The following MED13L variants were observed in gnomAD, a reference collection of about 807,000 sequenced individuals.
MED13L encodes the protein mediator complex subunit 13L.
In MED13L, 7 loss-of-function variants were observed where a neutral mutation model predicts 220.9. The ratio of observed to expected loss-of-function variants is 0.03; its 90% CI spans 0.02 to 0.06. The LOEUF (loss-of-function observed/expected upper bound fraction) is 0.06. Ranked by LOEUF, MED13L falls within the 10% of genes least tolerant of loss-of-function variation. The pLI is 1.00. For synonymous variants in MED13L, 1,011 were observed against 1,015.2 expected (o/e 1.00, Z 0.08); for missense variants, 1,965 against 2,760.5 (o/e 0.71, Z 6.46).
At chr12:115,972,267 C>G in intron 25 of MED13L, 31 bp from the exon 26 acceptor site, 1 of 1,608,802 alleles carries the variant, frequency 6.2e-7, no homozygotes, top group Non-Finnish European at 8.5e-7. Context: ...CATACACAGT[C>G]TTTAGAAATT....
At position 115,983,119 on chromosome 12, in the gene MED13L, C is replaced by T. The variant is rs779112405; in HGVS notation, c.4953G>A (p.Glu1651=). Residue 1651 remains glutamate, a splice_region_variant and synonymous_variant, in exon 21 of 31, where the codon GAG becomes GAA. Transcript: ENST00000281928. The part of the protein sequence containing the change: ...SSSQPSQDGQ[E]SVTERERIGI... ...ATCTCAATTAGTGAATAACATACCT[C>T]TCTTGTCCATCCTGTGAGGGCTGAG... is the stretch of plus-strand genomic sequence containing the variant. The T allele has an allele frequency of 3.2e-5, 51 of 1,613,918 alleles. No homozygotes were observed. The East Asian group carries it at 1.1e-3, about 36-fold the overall frequency.
At chr12:116,086,992 C>T (rs1039352834) in intron 4 of MED13L, among the ~76,000 whole-genome samples, 1 of 151,904 alleles carries the variant, frequency 6.6e-6, no homozygotes, top group African/African-American at 2.4e-5. Flanking sequence ...TCTTATATTG[C>T]CATTATGTAG....
chr12:116,088,246 G>A (rs1871884939), intron 4 of MED13L, among the ~76,000 whole-genome samples: 1 of 152,122 alleles, frequency 6.6e-6, no homozygotes, highest in Non-Finnish European at 1.5e-5. Flanking sequence ...GGTTCTTAGT[G>A]GCAAAGAACC....
intron 3 of MED13L, among the ~76,000 whole-genome samples, chr12:116,104,379 GA>G (rs1275618910): frequency 4.6e-5 from 7 of 152,008 alleles, no homozygotes; most frequent in Non-Finnish European, 8.8e-5. Context: ...TGAAAGATAG[GA>G]ATAGACAAAT....
chr12:116,232,990 G>A (rs1415690126), intron 2 of MED13L, among the ~76,000 whole-genome samples: 3 of 151,780 alleles, frequency 2.0e-5, no homozygotes, highest in African/African-American at 7.3e-5. Context: ...AGAAGGCTGA[G>A]GCAGGAGAAT....
intron 14 of MED13L, among the ~76,000 whole-genome samples, chr12:116,000,413 A>T (rs769811931): frequency 6.6e-6 from 1 of 152,190 alleles, no homozygotes; most frequent in African/African-American, 2.4e-5. Flanking sequence ...CTATCTCTGC[A>T]CTTCAGCGGG....
intron 16 of MED13L, among the ~76,000 whole-genome samples, chr12:115,996,245 C>G (rs1216742398): frequency 4.6e-5 from 7 of 152,078 alleles, no homozygotes; most frequent in Non-Finnish European, 7.4e-5. Flanking sequence ...CTCCTGCCAC[C>G]AAGCCCAGCT....
Position 116,162,342 on chromosome 12 carries a change from C to A in MED13L, c.311-50830G>T, listed in dbSNP as rs11067929. On this transcript the variant is annotated intron_variant, in intron 2 of 30. Coordinates refer to ENST00000281928, the MANE Select transcript of MED13L (RefSeq NM_015335.5). ...AGCTGTGATTCTATTAGAATGGAGG[C>A]TGCACCGATTCATGAATCGAGAATA... Among the ~76,000 whole-genome samples the A allele has an allele frequency of 6.0e-3, 908 of 152,254 alleles. 12 individuals carry two copies. Among genetic ancestry groups the A allele is most frequent in the African/African-American group, 0.021 (854 of 41,542 alleles).
At chr12:116,125,835 G>A (rs1875540196) in intron 2 of MED13L, among the ~76,000 whole-genome samples, 1 of 152,088 alleles carries the variant, frequency 6.6e-6, no homozygotes, top group African/African-American at 2.4e-5. Flanking sequence ...CAGTTTAAAT[G>A]TATTCTTAGT....
chr12:116,134,654 G>A (rs1038013817), intron 2 of MED13L, among the ~76,000 whole-genome samples: 16 of 152,052 alleles, frequency 1.1e-4, no homozygotes, highest in African/African-American at 3.6e-4. Context: ...TCAAACCCCT[G>A]TTAAATGCAA....
chr12:116,065,246 T>C (rs1410652283), intron 4 of MED13L, among the ~76,000 whole-genome samples: 1 of 152,184 alleles, frequency 6.6e-6, no homozygotes, highest in Non-Finnish European at 1.5e-5. Context: ...GGCTGAAGTG[T>C]CATTATGCAG....
intron 2 of MED13L, among the ~76,000 whole-genome samples, chr12:116,136,959 T>C (rs186716193): frequency 7.9e-5 from 12 of 152,264 alleles, no homozygotes; most frequent in Admixed American, 7.2e-4. Flanking sequence ...CAGAAGACAA[T>C]TGAGGTAAAT....
intron 4 of MED13L, among the ~76,000 whole-genome samples, chr12:116,090,295 G>A (rs1440305201): frequency 6.6e-6 from 1 of 152,136 alleles, no homozygotes; most frequent in Non-Finnish European, 1.5e-5. Context: ...ACTCCCATTT[G>A]GGACCTACAA....
chr12:116,034,095 A>G (rs187883902), intron 4 of MED13L, among the ~76,000 whole-genome samples: 19 of 152,072 alleles, frequency 1.2e-4, no homozygotes, highest in Admixed American at 1.0e-3. Context: ...TATATTTTCC[A>G]TGAAATTACC....
intron 3 of MED13L, among the ~76,000 whole-genome samples, chr12:116,103,779 C>G (rs748547107): frequency 4.6e-5 from 7 of 152,124 alleles, no homozygotes; most frequent in Non-Finnish European, 1.0e-4. Flanking sequence ...CTCCTTAAGT[C>G]TAAAGACTCA....
intron 2 of MED13L, among the ~76,000 whole-genome samples, chr12:116,179,888 C>G (rs1452794975): frequency 6.6e-6 from 1 of 152,022 alleles, no homozygotes; most frequent in Non-Finnish European, 1.5e-5. Context: ...GAGTCTGTGA[C>G]CATGTCTATT....
chr12:116,118,171 C>G (rs1216642754), intron 2 of MED13L, among the ~76,000 whole-genome samples: 1 of 152,070 alleles, frequency 6.6e-6, no homozygotes, highest in Non-Finnish European at 1.5e-5. Context: ...TCATTCTCAT[C>G]TGTTCTTTTA....
chr12:116,169,742 C>T (rs2138177046), intron 2 of MED13L, among the ~76,000 whole-genome samples: 1 of 152,222 alleles, frequency 6.6e-6, no homozygotes, highest in South Asian at 2.1e-4. Context: ...GGTGTGTTGG[C>T]CAGTGCTTGT....
intron 4 of MED13L, among the ~76,000 whole-genome samples, chr12:116,079,049 T>C (rs1031763099): frequency 5.3e-5 from 8 of 152,224 alleles, no homozygotes; most frequent in African/African-American, 1.9e-4. Context: ...CTGTATTCAC[T>C]TAAGCCAGAT....
Sources: allele counts gnomAD v4.1 joint callset (sites outside exome capture counted in the v4.1 genomes callset), GRCh38; gene constraint gnomAD v4.1.1; transcripts MANE v1.5; gene names NCBI Gene and HGNC (gene_info 2026-07-23, HGNC 2026-07-21).